Variants in LAMC2 observed in about 807,000 individuals in gnomAD.
The protein encoded by LAMC2 is laminin subunit gamma 2.
A neutral mutation model predicts 140.2 loss-of-function variants in LAMC2; 97 were observed. That is an observed-to-expected ratio of 0.69 (90% CI 0.59 to 0.82). LAMC2 has a LOEUF of 0.82. LAMC2 is among the 40% of genes least tolerant of loss of function. The probability of loss-of-function intolerance (pLI) is 0.00; values close to 1 mark genes in which losing one functional copy is unlikely to be tolerated. For synonymous variants in LAMC2, 513 were observed against 540.2 expected, an observed-to-expected ratio of 0.95 and a Z score of 0.70; for missense variants, 1,402 against 1,476.1, an observed-to-expected ratio of 0.95 and a Z score of 0.82.
chr1:183,256,811 G>C, the LAMC2 span, among the ~76,000 whole-genome samples: 1 of 152,040 alleles, frequency 6.6e-6, no homozygotes, highest in South Asian at 2.1e-4. Flanking sequence ...GTGCAGCAGC[G>C]CATGATCTCA....
Position 183,220,820 on chromosome 1 carries a change from T to C in LAMC2, c.504-5T>C. The C allele has an allele frequency of 6.2e-7, 1 of 1,613,774 alleles. No individual in the cohort carries two copies. The highest frequency in any genetic ancestry group is 8.5e-7 in the Non-Finnish European group (1 of 1,179,608). ...AATATCCTGATTTCTACAATGCCAC[T>C]GCAGGTGTCGATCAGGTTACTATAA... On this transcript the variant is annotated splice_region_variant and splice_polypyrimidine_tract_variant and intron_variant, in intron 4 of 22. Coordinates refer to ENST00000264144, the MANE Select transcript of LAMC2 (RefSeq NM_005562.3).
At chr1:183,217,692 C>T (rs1659319340) in intron 3 of LAMC2, among the ~76,000 whole-genome samples, 1 of 152,152 alleles carries the variant, frequency 6.6e-6, no homozygotes, top group African/African-American at 2.4e-5. Context: ...ATAGGCAAGT[C>T]TGGAGAGACA....
intron 14 of LAMC2, 28 bp from the exon 15 acceptor site, chr1:183,234,339 G>A (rs764910210): frequency 1.1e-5 from 18 of 1,582,592 alleles, no homozygotes; most frequent in Non-Finnish European, 1.5e-5. Flanking sequence ...TAACCGATTC[G>A]CCTTAACCGA....
chr1:183,220,817 C>T lies in LAMC2; in HGVS notation c.504-8C>T. 6.2e-7 allele frequency: 1 copy of T among 1,613,234 alleles called. No homozygotes were observed. The highest frequency in any genetic ancestry group is 8.5e-7 in the Non-Finnish European group (1 of 1,179,254). ...TATAATATCCTGATTTCTACAATGCCACTGCAGGTGTCGATCAGGTTACTA... is the reference window on the plus strand; with the variant it reads ...TATAATATCCTGATTTCTACAATGCTACTGCAGGTGTCGATCAGGTTACTA... On this transcript the variant is annotated splice_region_variant and splice_polypyrimidine_tract_variant and intron_variant, in intron 4 of 22. Transcript: ENST00000264144.
At position 183,227,631 on chromosome 1, in the gene LAMC2, T is replaced by C; in HGVS notation, c.1402T>C (p.Phe468Leu). The C allele has an allele frequency of 1.2e-6, 2 of 1,614,068 alleles. No individual in the cohort carries two copies. The highest frequency in any genetic ancestry group is 2.2e-5 in the East Asian group (1 of 44,874). Residue 468 changes from phenylalanine to leucine, a missense_variant, in exon 10 of 23, where the codon TTC becomes CTC. Physicochemically the swap from Phe to Leu is conservative, Grantham distance 22 (BLOSUM62 0). Transcript: ENST00000264144. The part of the protein sequence containing the change: ...SCKPCPCHNG[F>L]SCSVMPETEE... ...CAAGCCATGTCCCTGTCATAACGGG[T>C]TCAGCTGCTCAGTGATGCCGGAGAC...
chr1:183,216,298 T>C (rs1659254434), intron 3 of LAMC2, among the ~76,000 whole-genome samples: 1 of 152,202 alleles, frequency 6.6e-6, no homozygotes. Flanking sequence ...TTTGTTCTGG[T>C]CCGGCCTTCC....
chr1:183,191,194 CT>C, intron 1 of LAMC2, among the ~76,000 whole-genome samples: 1 of 151,948 alleles, frequency 6.6e-6, no homozygotes, highest in South Asian at 2.1e-4. Context: ...TAAGTATGAT[CT>C]TTTTTTTCCT....
the LAMC2 span, among the ~76,000 whole-genome samples, chr1:183,257,218 G>A: frequency 2.0e-4 from 31 of 152,122 alleles, no homozygotes; most frequent in Middle Eastern, 3.4e-3. Context: ...CGAGGTGGGT[G>A]GATCACAAGC....
At chr1:183,219,103 T>C (rs552421682) in intron 4 of LAMC2, among the ~76,000 whole-genome samples, 24 of 152,218 alleles carry the variant, frequency 1.6e-4, no homozygotes, top group Non-Finnish European at 3.2e-4. Flanking sequence ...AGTACAACTG[T>C]GCTCTGGCTT....
chr1:183,207,838 T>TTG (rs1553264610), intron 1 of LAMC2, 43 bp from the exon 2 acceptor site: 35 of 1,466,224 alleles, frequency 2.4e-5, no homozygotes, highest in Middle Eastern at 1.7e-4. Flanking sequence ...CTGAGGTGTT[T>TTG]TTTTTTTTTT....
chr1:183,232,142 TAC>T, intron 12 of LAMC2, 43 bp from the exon 13 acceptor site: 1 of 1,610,356 alleles, frequency 6.2e-7, no homozygotes, highest in Non-Finnish European at 8.5e-7. Context: ...ATCCCTTGGG[TAC>T]ATGGTCTCCA....
the LAMC2 span, chr1:183,250,959 C>T: frequency 2.0e-5 from 3 of 152,276 alleles, no homozygotes; most frequent in African/African-American, 7.2e-5. Context: ...TATCCTAATA[C>T]TCAGGGACTA....
At position 183,186,394 on chromosome 1, in the gene LAMC2, C is replaced by T. The variant is rs775148193; in HGVS notation, c.42C>T (p.Leu14=). 1 of 1,606,010 alleles carries T rather than the reference C, an allele frequency of 6.2e-7. No individual in the cohort carries two copies. Among genetic ancestry groups the T allele is most frequent in the Non-Finnish European group, 8.5e-7 (1 of 1,179,680 alleles). The change falls in exon 1 of 23, where the codon CTC becomes CTT. Residue 14 remains leucine, a synonymous_variant. Transcript: ENST00000264144. ...TGGGCTGCTGCCTCTGCTTCTCGCT[C>T]CTCCTGCCCGCAGCCCGGGCCACCT... ...LWLGCCLCFS[L]LLPAARATSR... is the part of the protein sequence containing the mutation.
the LAMC2 span, chr1:183,251,270 C>A: frequency 6.6e-6 from 1 of 152,270 alleles, no homozygotes; most frequent in Non-Finnish European, 1.5e-5. Flanking sequence ...CTAGAACCAA[C>A]CACAGAAACA....
At chr1:183,208,748 C>T (rs932393783) in intron 2 of LAMC2, among the ~76,000 whole-genome samples, 16 of 152,106 alleles carry the variant, frequency 1.1e-4, no homozygotes, top group African/African-American at 3.6e-4. Context: ...GGTGCCATCT[C>T]GGCTCACTGC....
chr1:183,218,556 C>A, intron 4 of LAMC2, 68 bp downstream of exon 4: 1 of 1,158,180 alleles, frequency 8.6e-7, no homozygotes, highest in Non-Finnish European at 1.3e-6. Context: ...AGAATTAATC[C>A]TCCGAGTGTA....
intron 9 of LAMC2, among the ~76,000 whole-genome samples, chr1:183,227,128 C>T (rs1388975487): frequency 6.6e-6 from 1 of 152,148 alleles, no homozygotes; most frequent in African/African-American, 2.4e-5. Context: ...TGCCAGGTTA[C>T]AGGAAATGGT....
chr1:183,237,353 T>C lies in LAMC2; in HGVS notation c.2603T>C (p.Val868Ala). The change falls in exon 18 of 23, where the codon GTG (valine) becomes GCG (alanine). Residue 868 changes from valine (V) to alanine (A), a missense_variant and splice_region_variant. This residue lies in a region of LAMC2 where 670 missense variants were observed against 667.2 expected (regional missense o/e 1.00). Transcript: ENST00000264144. ...TCCCTGGTTTCTTTGGGCTCATAGG[T>C]GGAAGAAGCAAAGAGGATCAAACAA... The part of the protein sequence containing the change: ...LQGVSDQSFQ[V>A]EEAKRIKQKA... 1 of 1,614,002 alleles carries C rather than the reference T, an allele frequency of 6.2e-7. No homozygotes were observed. The highest frequency in any genetic ancestry group is 1.1e-5 in the South Asian group (1 of 91,056).
chr1:183,201,338 C>A (rs772807237), intron 1 of LAMC2, among the ~76,000 whole-genome samples: 27 of 151,928 alleles, frequency 1.8e-4, no homozygotes, highest in Non-Finnish European at 3.4e-4. Context: ...TATCTTAATG[C>A]CAGATCCCGA....
Sources: gnomAD v4.1 joint callset for allele counts (sites outside exome capture counted in the v4.1 genomes callset) on GRCh38, gnomAD v4.1.1 for gene constraint, gnomAD v4.1.1 regional missense constraint, MANE v1.5 for transcripts, NCBI Gene and HGNC (gene_info 2026-07-23, HGNC 2026-07-21) for gene names.